The following RNF103 variants were observed in gnomAD, a reference collection of about 807,000 sequenced individuals.
RNF103 encodes the protein E3 ubiquitin-protein ligase RNF103.
Under a neutral mutation model 66.2 loss-of-function variants are expected in RNF103, and 23 were observed. The ratio of observed to expected loss-of-function variants is 0.35; its 90% CI spans 0.25 to 0.49. The LOEUF (loss-of-function observed/expected upper bound fraction) is 0.49. RNF103 is among the 20% of genes least tolerant of loss of function. RNF103 has a pLI of 0.98. For synonymous variants in RNF103, 297 were observed against 289.9 expected (o/e 1.02, Z -0.25); for missense variants, 730 against 814.7 (o/e 0.90, Z 1.27).
At chr2:86,606,662 C>CAAAAAAAAAAAAA (rs200897796) in intron 3 of RNF103, among the ~76,000 whole-genome samples, 1 of 97,420 alleles carries the variant, frequency 1.0e-5, no homozygotes, top group Non-Finnish European at 2.0e-5. Flanking sequence ...AACTTCGTCT[C>CAAAAAAAAAAAAA]AAAAAAAAAA....
intron 2 of RNF103, among the ~76,000 whole-genome samples, chr2:86,618,995 T>A (rs531160868): frequency 1.3e-5 from 2 of 152,254 alleles, no homozygotes; most frequent in South Asian, 4.1e-4. Context: ...ATCCGGAAGG[T>A]AAAAGGACAA....
chr2:86,613,177 T>G (rs1558685860), intron 2 of RNF103: 1 of 152,272 alleles, frequency 6.6e-6, no homozygotes, highest in African/African-American at 2.4e-5. Flanking sequence ...TGAGAATCAC[T>G]TGAACCTGTG....
rs761849569 is a variant in RNF103 at position 86,622,889 on chromosome 2, TC to T, written c.-4del. 1 of 1,590,744 alleles carries T rather than the reference TC, an allele frequency of 6.3e-7. No individual in the cohort carries two copies. Among genetic ancestry groups the T allele is most frequent in the Non-Finnish European group, 8.6e-7 (1 of 1,168,202 alleles). On this transcript the variant is annotated 5_prime_UTR_variant, in exon 1 of 4. Transcript: ENST00000237455. Reference sequence around the variant, plus strand: ...AAGAAAAAAAGCTTCAGCCACATCTTCCCTGGAGTTTCCTCTCTTTCCAGAG... The same window carrying T: ...AAGAAAAAAAGCTTCAGCCACATCTTCCTGGAGTTTCCTCTCTTTCCAGAG...
At chr2:86,606,293 T>C (rs1247459396) in intron 3 of RNF103, among the ~76,000 whole-genome samples, 1 of 152,204 alleles carries the variant, frequency 6.6e-6, no homozygotes. Flanking sequence ...AACCTGTCTA[T>C]TGACAGGTTC....
intron 3 of RNF103, among the ~76,000 whole-genome samples, chr2:86,608,486 CAAAAAAAA>C (rs1222638516): frequency 2.5e-5 from 1 of 40,106 alleles, no homozygotes; most frequent in East Asian, 6.5e-4. Flanking sequence ...GACTCCATCT[CAAAAAAAA>C]AAAAAAAAAA....
chr2:86,604,288 T>C lies in RNF103; in HGVS notation c.1613A>G (p.Asp538Gly). The C allele has an allele frequency of 6.2e-7, 1 of 1,614,232 alleles. No homozygotes were observed. The highest frequency in any genetic ancestry group is 8.5e-7 in the Non-Finnish European group (1 of 1,180,042). ...MSEGSQDTEN[D>G]SESENTDTLS... Reference sequence around the variant, plus strand: ...AGTGTCTGTGTTCTCACTTTCCGAGTCATTTTCAGTATCTTGAGACCCCTC... The same window carrying C: ...AGTGTCTGTGTTCTCACTTTCCGAGCCATTTTCAGTATCTTGAGACCCCTC... Residue 538 changes from aspartate to glycine, a missense_variant, in exon 4 of 4, where the codon GAC becomes GGC. Physicochemically the swap from Asp to Gly is moderately conservative, Grantham distance 94. This residue lies in a region of RNF103 where 355 missense variants were observed against 351.9 expected (regional missense o/e 1.01). Coordinates refer to ENST00000237455, the MANE Select transcript of RNF103 (RefSeq NM_005667.4).
At position 86,623,030 on chromosome 2, in the gene RNF103, T is replaced by G; in HGVS notation, c.-144A>C. On this transcript the variant is annotated 5_prime_UTR_variant, in exon 1 of 4. The change abolishes an upstream ATG in the 5' untranslated region. Coordinates refer to ENST00000237455, the MANE Select transcript of RNF103 (RefSeq NM_005667.4). The stretch of plus-strand genomic sequence containing the variant: ...ACCCGGCGCCGTCACTGGCCGGCCA[T>G]CCCCGGCGGGGAAGCAGGTGACGGG... 6.7e-5 allele frequency: 88 copies of G among 1,317,668 alleles called. No individual in the cohort carries two copies. Among genetic ancestry groups the G allele is most frequent in the Middle Eastern group, 2.9e-4 (1 of 3,430 alleles). 81.6% of individuals were successfully genotyped at this position (1,317,668 alleles called of 1,614,324 possible).
chr2:86,614,612 A>T, intron 2 of RNF103: 1 of 275,948 alleles, frequency 3.6e-6, no homozygotes, highest in Non-Finnish European at 5.2e-6. Flanking sequence ...CAAAAAAAAG[A>T]GAGAAAAAAA....
At chr2:86,616,575 A>G in intron 2 of RNF103, 1 of 985,444 alleles carries the variant, frequency 1.0e-6, no homozygotes, top group Non-Finnish European at 1.2e-6. Context: ...TCCTCGAACA[A>G]AACTTTTGTC....
At chr2:86,621,504 T>C (rs1002283147) in intron 1 of RNF103, among the ~76,000 whole-genome samples, 8 of 152,282 alleles carry the variant, frequency 5.3e-5, no homozygotes, top group African/African-American at 1.9e-4. Context: ...AAGAATAATA[T>C]ACGATTTTAT....
intron 3 of RNF103, among the ~76,000 whole-genome samples, chr2:86,606,256 A>C (rs1377723979): frequency 6.6e-6 from 1 of 152,240 alleles, no homozygotes; most frequent in Non-Finnish European, 1.5e-5. Flanking sequence ...AGATTTATGC[A>C]GTAGGATCAT....
chr2:86,609,617 C>T (rs1368978197), intron 3 of RNF103, among the ~76,000 whole-genome samples: 1 of 151,992 alleles, frequency 6.6e-6, no homozygotes, highest in Non-Finnish European at 1.5e-5. Flanking sequence ...AACTCCTTAC[C>T]TCCGGTGATC....
chr2:86,607,120 A>C (rs376542037), intron 3 of RNF103, among the ~76,000 whole-genome samples: 6 of 152,162 alleles, frequency 3.9e-5, no homozygotes, highest in African/African-American at 1.2e-4. Context: ...AATTTACCTC[A>C]ATAAAGTTGT....
At position 86,604,982 on chromosome 2, in the gene RNF103, T is replaced by C. The variant is rs1397836334; in HGVS notation, c.919A>G (p.Ile307Val). The change falls in exon 4 of 4, where the codon ATA becomes GTA. Residue 307 changes from isoleucine to valine, a missense_variant. Ile to Val is a conservative substitution (Grantham distance 29). Around this residue, in one of 3 missense-constraint regions of RNF103, gnomAD observed 327 missense variants for 369.8 expected, o/e 0.88. Coordinates refer to ENST00000237455, the MANE Select transcript of RNF103 (RefSeq NM_005667.4). Reference sequence around the variant, plus strand: ...AATGAATCCATGGCCTGAAGGGATATAAATTCGCCTGTGTGGTTTCCATAC... The same window carrying C: ...AATGAATCCATGGCCTGAAGGGATACAAATTCGCCTGTGTGGTTTCCATAC... ...YRYGNHTGEF[I>V]SLQAMDSFLR... 4 of 1,614,036 alleles carry C rather than the reference T, an allele frequency of 2.5e-6. No homozygotes were observed. The highest frequency in any genetic ancestry group is 2.7e-5 in the African/African-American group (2 of 74,922).
At chr2:86,613,541 T>C (rs771450570) in intron 2 of RNF103, 20 of 152,090 alleles carry the variant, frequency 1.3e-4, no homozygotes, top group Non-Finnish European at 2.2e-4. Flanking sequence ...AATTCAAAAT[T>C]ACAACATAAT....
intron 2 of RNF103, 50 bp from the exon 3 acceptor site, chr2:86,612,324 C>T (rs780139202): frequency 1.9e-6 from 2 of 1,033,590 alleles, no homozygotes; most frequent in Non-Finnish European, 3.0e-6. Context: ...AAAATGGAGT[C>T]AAGCCAACCG....
At chr2:86,610,911 A>G (rs1368208329) in intron 3 of RNF103, among the ~76,000 whole-genome samples, 4 of 152,092 alleles carry the variant, frequency 2.6e-5, no homozygotes, top group Non-Finnish European at 5.9e-5. Flanking sequence ...AAAGAACATT[A>G]AGACTTAAGC....
At chr2:86,621,345 T>TA (rs747474184) in intron 1 of RNF103, among the ~76,000 whole-genome samples, 1 of 152,080 alleles carries the variant, frequency 6.6e-6, no homozygotes, top group Non-Finnish European at 1.5e-5. Flanking sequence ...TTATTTTCCA[T>TA]AAAAAAATGA....
intron 3 of RNF103, 128 bp from the exon 4 acceptor site, chr2:86,605,546 T>C: frequency 1.2e-6 from 1 of 866,918 alleles, no homozygotes; most frequent in East Asian, 2.8e-5. Context: ...GTGGTACCAC[T>C]ACTTGGCAGC....
Sources: allele counts gnomAD v4.1 joint callset (sites outside exome capture counted in the v4.1 genomes callset), GRCh38; gene constraint gnomAD v4.1.1; regional missense constraint gnomAD v4.1.1; transcripts MANE v1.5; gene names NCBI Gene and HGNC (gene_info 2026-07-23, HGNC 2026-07-21).